The following CADM2 variants were observed in gnomAD, a reference collection of about 807,000 sequenced individuals.
CADM2 encodes immunoglobulin superfamily member 4D.
In CADM2, 12 loss-of-function variants were observed where a neutral mutation model predicts 49.8. The observed-to-expected ratio is 0.24, with a 90% CI of 0.15 to 0.39. The LOEUF is 0.39. CADM2 is among the 10% of genes least tolerant of loss of function. The pLI is 1.00. For synonymous variants in CADM2, 214 were observed against 175.4 expected (o/e 1.22, Z -1.74); for missense variants, 378 against 492.3 (o/e 0.77, Z 2.20).
At chr3:85,561,082 A>C (rs2062082883) in intron 1 of CADM2, among the ~76,000 whole-genome samples, 1 of 152,184 alleles carries the variant, frequency 6.6e-6, no homozygotes, top group African/African-American at 2.4e-5. Context: ...AAGAATAAAA[A>C]TGTTTGACTG....
At chr3:85,669,193 A>G (rs2065664752) in intron 1 of CADM2, among the ~76,000 whole-genome samples, 1 of 147,944 alleles carries the variant, frequency 6.8e-6, no homozygotes, top group Non-Finnish European at 1.5e-5. Context: ...CATAATTGGT[A>G]AGATAAAAAA....
At chr3:85,738,733 A>T (rs984589303) in intron 2 of CADM2, among the ~76,000 whole-genome samples, 1 of 152,166 alleles carries the variant, frequency 6.6e-6, no homozygotes, top group Non-Finnish European at 1.5e-5. Flanking sequence ...CATTTTCAGG[A>T]GATTTCTTAA....
intron 1 of CADM2, among the ~76,000 whole-genome samples, chr3:85,431,229 A>G (rs915666327): frequency 6.6e-6 from 1 of 152,110 alleles, no homozygotes; most frequent in Non-Finnish European, 1.5e-5. Flanking sequence ...ATCTAGTTTT[A>G]TGTAAGAACA....
chr3:85,756,512 G>T (rs1270784893), intron 2 of CADM2, among the ~76,000 whole-genome samples: 1 of 152,120 alleles, frequency 6.6e-6, no homozygotes, highest in Non-Finnish European at 1.5e-5. Flanking sequence ...TAGTTTTACT[G>T]CATGGTACAA....
chr3:85,337,489 A>G (rs557904773), intron 1 of CADM2, among the ~76,000 whole-genome samples: 1 of 151,554 alleles, frequency 6.6e-6, no homozygotes, highest in East Asian at 1.9e-4. Context: ...AATGGCCTAC[A>G]GACTGAAGGG....
chr3:85,307,996 C>G (rs2044254591), intron 1 of CADM2, among the ~76,000 whole-genome samples: 1 of 150,526 alleles, frequency 6.6e-6, no homozygotes, highest in African/African-American at 2.4e-5. Flanking sequence ...GTGGAATTCA[C>G]TCAACTTCAA....
At chr3:85,452,851 G>T (rs2037814668) in intron 1 of CADM2, among the ~76,000 whole-genome samples, 1 of 152,124 alleles carries the variant, frequency 6.6e-6, no homozygotes, top group Admixed American at 6.6e-5. Context: ...AACTATGACA[G>T]CAAGGTCCTT....
Position 85,114,618 on chromosome 3 carries a change from G to A in CADM2, c.61+154950G>A, listed in dbSNP as rs141439741. 1.5e-3 allele frequency among the ~76,000 whole-genome samples: 230 copies of A among 152,230 alleles called. 2 individuals are homozygous for A. Among genetic ancestry groups the A allele is most frequent in the African/African-American group, 5.3e-3 (220 of 41,536 alleles). Reference sequence around the variant, plus strand: ...ATCCAGATATAACTCTATAGTGCTTGTTGTCATTAATTGGCTTAAACAGTT... The same window carrying A: ...ATCCAGATATAACTCTATAGTGCTTATTGTCATTAATTGGCTTAAACAGTT... On this transcript the variant is annotated intron_variant, in intron 1 of 9. Coordinates refer to ENST00000383699, the MANE Select transcript of CADM2 (RefSeq NM_001167675.2).
At chr3:85,177,986 T>C (rs2040829761) in intron 1 of CADM2, among the ~76,000 whole-genome samples, 1 of 152,002 alleles carries the variant, frequency 6.6e-6, no homozygotes, top group Non-Finnish European at 1.5e-5. Flanking sequence ...GCATGCAATA[T>C]GATTCCTAGT....
At chr3:85,037,246 A>G (rs532385087) in intron 1 of CADM2, among the ~76,000 whole-genome samples, 2 of 152,312 alleles carry the variant, frequency 1.3e-5, no homozygotes, top group South Asian at 2.1e-4. Flanking sequence ...AAGAGTAGTT[A>G]TAGTGGTACA....
intron 1 of CADM2, among the ~76,000 whole-genome samples, chr3:85,556,287 C>T (rs62250465): frequency 0.51 from 77,891 of 151,880 alleles, 23,037 homozygotes; most frequent in East Asian, 0.85. Flanking sequence ...TATTCTTCAT[C>T]CTTGTCGTTT....
chr3:85,829,801 C>T (rs892951445), intron 3 of CADM2, among the ~76,000 whole-genome samples: 6 of 151,930 alleles, frequency 3.9e-5, no homozygotes, highest in South Asian at 4.1e-4. Flanking sequence ...CTTCACTTAG[C>T]GTAATGTTCT....
At chr3:85,842,983 G>C (rs1156787448) in intron 3 of CADM2, among the ~76,000 whole-genome samples, 1 of 151,946 alleles carries the variant, frequency 6.6e-6, no homozygotes, top group Non-Finnish European at 1.5e-5. Flanking sequence ...ACAGGTAAAA[G>C]CAAAACATAA....
chr3:85,170,499 C>T (rs894577366), intron 1 of CADM2, among the ~76,000 whole-genome samples: 1 of 151,878 alleles, frequency 6.6e-6, no homozygotes, highest in Non-Finnish European at 1.5e-5. Flanking sequence ...CCACCACGCC[C>T]GGCTAATTTT....
intron 1 of CADM2, among the ~76,000 whole-genome samples, chr3:85,434,853 A>G (rs1576547634): frequency 6.6e-6 from 1 of 152,202 alleles, no homozygotes; most frequent in Non-Finnish European, 1.5e-5. Context: ...GTAGTACCTC[A>G]GTGTCTTGCT....
In CADM2 at chr3:85,344,352, G is replaced by A. The variant is rs545870557; in HGVS notation, c.62-382170G>A. On this transcript the variant is annotated intron_variant, in intron 1 of 9. Coordinates refer to ENST00000383699, the MANE Select transcript of CADM2 (RefSeq NM_001167675.2). The stretch of plus-strand genomic sequence containing the variant: ...GCAGAGATTGCGCCACTGCACTCCA[G>A]CCCAGCGACAGAGTGAGACACCATC... Among the ~76,000 whole-genome samples the A allele has an allele frequency of 1.5e-3, 227 of 150,906 alleles. 1 individual carries two copies. Among genetic ancestry groups the A allele is most frequent in the Middle Eastern group, 0.01 (3 of 286 alleles).
intron 1 of CADM2, among the ~76,000 whole-genome samples, chr3:85,215,637 C>T (rs72913058): frequency 6.6e-6 from 1 of 151,930 alleles, no homozygotes; most frequent in Non-Finnish European, 1.5e-5. Flanking sequence ...GAACTCAGTA[C>T]AGCACCAGGA....
rs138933835 is a variant in CADM2, at chr3:85,281,834, C to T, written c.61+322166C>T. ...AAAGTCATGAATAATCAGGTCAAGG[C>T]GGTATGCAAAGAAAATTATCAGACT... is the stretch of plus-strand genomic sequence containing the variant. On this transcript the variant is annotated intron_variant, in intron 1 of 9. Transcript: ENST00000383699. Among the ~76,000 whole-genome samples the T allele has an allele frequency of 3.3e-5, 5 of 151,864 alleles. No homozygotes were observed. In the East Asian group the frequency reaches 5.8e-4, roughly 18 times the overall value.
intron 8 of CADM2, chr3:86,012,692 G>A: frequency 8.2e-7 from 1 of 1,213,816 alleles, no homozygotes. Flanking sequence ...TGACTTAGAA[G>A]ATAAAACACC....
Sources: allele counts gnomAD v4.1 joint callset (sites outside exome capture counted in the v4.1 genomes callset), GRCh38; gene constraint gnomAD v4.1.1; transcripts MANE v1.5; gene names NCBI Gene and HGNC (gene_info 2026-07-23, HGNC 2026-07-21).